PSG11: variants seen among roughly 807,000 people sequenced by gnomAD.
PSG11 encodes the protein pregnancy specific beta-1-glycoprotein 11, also known as pregnancy-specific beta-1-glycoprotein 11.
PSG11 carries 42 observed loss-of-function variants against 36.0 expected under a neutral mutation model. The observed-to-expected ratio is 1.17, with a 90% CI of 0.91 to 1.51. PSG11 has a LOEUF of 1.51. Among genes scored for constraint, PSG11 ranks in the 40% most tolerant of loss-of-function variants. The pLI is 0.00. For synonymous variants in PSG11, 206 were observed against 153.5 expected, an observed-to-expected ratio of 1.34 and a Z score of -2.53; for missense variants, 558 against 403.5, an observed-to-expected ratio of 1.38 and a Z score of -3.28.
Position 43,009,330 on chromosome 19 carries a change from ACT to A in PSG11, c.*40+626_*40+627del, listed in dbSNP as rs766313289. Among the ~76,000 whole-genome samples the A allele has an allele frequency of 3.3e-5, 5 of 151,146 alleles. 1 individual carries two copies. The highest frequency in any genetic ancestry group is 6.6e-5 in the Admixed American group (1 of 15,132). On this transcript the variant is annotated intron_variant, in intron 5 of 5. Coordinates refer to ENST00000320078, the MANE Select transcript of PSG11 (RefSeq NM_002785.3). ...CAGTGCAGATGGTGGAAGGGATTTC[ACT>A]CTGTTTTTAGACATAGCATTGGAAC...
intron 2 of PSG11, among the ~76,000 whole-genome samples, chr19:43,022,931 G>T (rs983927054): frequency 1.3e-5 from 2 of 150,658 alleles, no homozygotes; most frequent in Non-Finnish European, 1.5e-5. Flanking sequence ...GCCTAGGGGT[G>T]GGGGAAGAAG....
chr19:43,009,885 A>G, intron 5 of PSG11, 73 bp downstream of exon 5: 1 of 1,229,256 alleles, frequency 8.1e-7, no homozygotes, highest in Admixed American at 1.7e-5. Flanking sequence ...ATACAGGCAA[A>G]TAAGTCATTT....
rs776096154 is a variant in PSG11, at chr19:43,019,064, A to G, written c.431-16T>C. 1.1e-5 allele frequency: 17 copies of G among 1,608,062 alleles called. 1 individual carries two copies. In the Middle Eastern group the frequency reaches 5.0e-4, roughly 47 times the overall value. On this transcript the variant is annotated splice_polypyrimidine_tract_variant and intron_variant, in intron 2 of 5. Transcript: ENST00000320078. ...GGAGTCTCCACTGTGCAGAAAACAG[A>G]GAGAAGATTGCCCTGTGTGGCACCT... is the stretch of plus-strand genomic sequence containing the variant.
At chr19:43,024,346 G>GA (rs1482288885) in intron 2 of PSG11, 10 of 373,574 alleles carry the variant, frequency 2.7e-5, no homozygotes, top group South Asian at 2.3e-4. Context: ...TATCTCAGGG[G>GA]CCCCTCAGGT....
rs1967029566 is a variant in PSG11, at chr19:43,018,785, T to C, written c.694A>G (p.Thr232Ala). 1 of 1,611,984 alleles carries C rather than the reference T, an allele frequency of 6.2e-7. No individual in the cohort carries two copies. The highest frequency in any genetic ancestry group is 8.5e-7 in the Non-Finnish European group (1 of 1,179,016). The change falls in exon 3 of 6, where the codon ACC becomes GCC. Residue 232 changes from threonine to alanine, a missense_variant. Thr to Ala is a moderately conservative substitution (Grantham distance 58, BLOSUM62 0). Coordinates refer to ENST00000320078, the MANE Select transcript of PSG11 (RefSeq NM_002785.3). ...SGSASRSDPV[T>A]LNLLHGPDLP... ...AGATACTCACGGAGGAGATTCAGGG[T>C]GACTGGGTCACTGCGGCTGGCACTC...
chr19:43,018,998 C>T lies in PSG11; in HGVS notation c.481G>A (p.Ala161Thr), dbSNP rs759482331. The change falls in exon 3 of 6, where the codon GCC becomes ACC. Residue 161 changes from alanine to threonine, a missense_variant. Ala to Thr is a moderately conservative substitution (Grantham distance 58). Transcript: ENST00000320078. ...CAGGTTAAGATCACAGTCTCCATGG[C>T]CTCCCTGGGGTTTAAGTTGCTGCTG... is the stretch of plus-strand genomic sequence containing the variant. ...ISSSNLNPRE[A>T]METVILTCNP... The T allele has an allele frequency of 5.0e-6, 8 of 1,612,034 alleles. No homozygotes were observed. The African/African-American group carries it at 8.1e-5, about 16-fold the overall frequency.
At position 43,024,843 on chromosome 19, in the gene PSG11, G is replaced by T; in HGVS notation, c.278C>A (p.Pro93Gln). ...VVDGQIIIYG[P>Q]AYSGRETVYS... is the part of the protein sequence containing the mutation. Reference sequence around the variant, plus strand: ...TACTGTTTCTCGTCCACTGTATGCCGGTCCATATATAATTATTTGACCGTC... The same window carrying T: ...TACTGTTTCTCGTCCACTGTATGCCTGTCCATATATAATTATTTGACCGTC... The change falls in exon 2 of 6, where the codon CCG becomes CAG. Residue 93 changes from proline (P) to glutamine (Q), a missense_variant. By Grantham distance (76) the Pro-to-Gln change is moderately conservative. Coordinates refer to ENST00000320078, the MANE Select transcript of PSG11 (RefSeq NM_002785.3). The T allele has an allele frequency of 6.2e-7, 1 of 1,611,848 alleles. No individual in the cohort carries two copies. Among genetic ancestry groups the T allele is most frequent in the Non-Finnish European group, 8.5e-7 (1 of 1,179,102 alleles).
intron 4 of PSG11, chr19:43,013,934 A>T (rs1321212798): frequency 6.6e-6 from 1 of 151,508 alleles, no homozygotes; most frequent in Non-Finnish European, 1.5e-5. Context: ...ATGTTATTCA[A>T]ACTTAACAAG....
chr19:43,021,150 G>T (rs545139351), intron 2 of PSG11, among the ~76,000 whole-genome samples: 30 of 151,490 alleles, frequency 2.0e-4, no homozygotes, highest in Non-Finnish European at 3.7e-4. Context: ...TTGTCCCACA[G>T]CTACAAAATT....
rs574808334 is a variant in PSG11 at position 43,021,682 on chromosome 19, G to A, written c.431-2634C>T. ...ATTTTAATGAGTTGTTGACTTTTGA[G>A]TTTGTTCAGCTTTTTACTTAGTGTT... is the stretch of plus-strand genomic sequence containing the variant. On this transcript the variant is annotated intron_variant, in intron 2 of 5. Coordinates refer to ENST00000320078, the MANE Select transcript of PSG11 (RefSeq NM_002785.3). Among the ~76,000 whole-genome samples, 41 of 151,614 alleles carry A rather than the reference G, an allele frequency of 2.7e-4. 1 individual carries two copies. Among genetic ancestry groups the A allele is most frequent in the African/African-American group, 9.2e-4 (38 of 41,218 alleles).
intron 2 of PSG11, among the ~76,000 whole-genome samples, chr19:43,022,681 C>A (rs1967130043): frequency 6.6e-6 from 1 of 151,182 alleles, no homozygotes; most frequent in Admixed American, 6.6e-5. Flanking sequence ...ACTTCCTATC[C>A]CTGTCCCATG....
In PSG11 at chr19:43,015,067, A is replaced by G. The variant is rs751283912; in HGVS notation, c.964+49T>C. The G allele has an allele frequency of 5.0e-6, 8 of 1,610,252 alleles. No homozygotes were observed. In the African/African-American group the frequency reaches 9.4e-5, roughly 19 times the overall value. ...TTCCTGACTCTTCTCTGAAAGCTAG[A>G]TAGACTCCACCTAAAACCCTATTGC... On this transcript the variant is annotated intron_variant, in intron 4 of 5. Coordinates refer to ENST00000320078, the MANE Select transcript of PSG11 (RefSeq NM_002785.3).
chr19:43,023,150 G>C (rs545981522), intron 2 of PSG11, among the ~76,000 whole-genome samples: 1 of 150,506 alleles, frequency 6.6e-6, no homozygotes, highest in Non-Finnish European at 1.5e-5. Flanking sequence ...AGAGTTACAT[G>C]AGGTGGGGTG....
Position 43,009,331 on chromosome 19 carries a change from C to T in PSG11, c.*40+627G>A, listed in dbSNP as rs1974013474. Among the ~76,000 whole-genome samples, 2 of 151,264 alleles carry T rather than the reference C, an allele frequency of 1.3e-5. 1 individual carries two copies. Among genetic ancestry groups the T allele is most frequent in the African/African-American group, 4.9e-5 (2 of 40,912 alleles). On this transcript the variant is annotated intron_variant, in intron 5 of 5. Transcript: ENST00000320078. ...AGTGCAGATGGTGGAAGGGATTTCACTCTGTTTTTAGACATAGCATTGGAA... is the reference window on the plus strand; with the variant it reads ...AGTGCAGATGGTGGAAGGGATTTCATTCTGTTTTTAGACATAGCATTGGAA...
intron 4 of PSG11, among the ~76,000 whole-genome samples, chr19:43,012,774 A>G (rs1394103732): frequency 6.6e-6 from 1 of 151,316 alleles, no homozygotes; most frequent in Non-Finnish European, 1.5e-5. Flanking sequence ...TTGCAGAAAA[A>G]GAAAAATCTG....
chr19:43,007,902 C>T lies in PSG11; in HGVS notation c.*181G>A, dbSNP rs147797446. The T allele has an allele frequency of 5.2e-6, 2 of 385,060 alleles. No homozygotes were observed. The highest frequency in any genetic ancestry group is 4.6e-5 in the Admixed American group (1 of 21,532). 23.9% of individuals were successfully genotyped at this position (385,060 alleles called of 1,614,324 possible). On this transcript the variant is annotated 3_prime_UTR_variant, in exon 6 of 6. Coordinates refer to ENST00000320078, the MANE Select transcript of PSG11 (RefSeq NM_002785.3). The stretch of plus-strand genomic sequence containing the variant: ...TTATTTAGTCCAATGAAATGGAGTT[C>T]TTTTCTTCTTTGTCTTGAATTTCAT...
At chr19:43,018,550 T>A (rs1432093634) in intron 3 of PSG11, 13 of 1,090,072 alleles carry the variant, frequency 1.2e-5, no homozygotes, top group Middle Eastern at 3.0e-4. Context: ...TCACAATCTG[T>A]GGACCCTGAG....
rs190017080 is a variant in PSG11 at position 43,024,810 on chromosome 19, T to C, written c.311A>G (p.Asn104Ser). The C allele has an allele frequency of 8.1e-5, 130 of 1,611,998 alleles. 7 individuals carry two copies. In the Admixed American group the frequency reaches 1.0e-3, roughly 13 times the overall value. Reference sequence around the variant, plus strand: ...GACATTCTGGATCAGCAGGGATGCATTGGAATATACTGTTTCTCGTCCACT... The same window carrying C: ...GACATTCTGGATCAGCAGGGATGCACTGGAATATACTGTTTCTCGTCCACT... ...AYSGRETVYSNASLLIQNVTR... is the reference protein window; with the variant it reads ...AYSGRETVYSSASLLIQNVTR... Residue 104 changes from asparagine (N) to serine (S), a missense_variant, in exon 2 of 6, where the codon AAT becomes AGT. Asn to Ser is a conservative substitution (Grantham distance 46, BLOSUM62 1). Coordinates refer to ENST00000320078, the MANE Select transcript of PSG11 (RefSeq NM_002785.3).
intron 3 of PSG11, chr19:43,015,945 G>A: frequency 1.9e-6 from 3 of 1,610,100 alleles, no homozygotes; most frequent in Non-Finnish European, 2.5e-6. Context: ...ACCAAATGTA[G>A]GCATAGTTCT....
Sources: allele counts gnomAD v4.1 joint callset (sites outside exome capture counted in the v4.1 genomes callset), GRCh38; gene constraint gnomAD v4.1.1; transcripts MANE v1.5; gene names NCBI Gene and HGNC (gene_info 2026-07-23, HGNC 2026-07-21).